The following MPP2 variants were observed in gnomAD, a reference collection of about 807,000 sequenced individuals.
MPP2 encodes MAGUK p55 subfamily member 2.
A neutral mutation model predicts 58.5 loss-of-function variants in MPP2; 42 were observed. The ratio of observed to expected loss-of-function variants is 0.72; its 90% confidence interval spans 0.56 to 0.93. The LOEUF (loss-of-function observed/expected upper bound fraction) is 0.93, where lower values mean the gene tolerates loss of function less well. Among genes scored for constraint, MPP2 ranks in the 40% least tolerant of loss-of-function variants. The probability of loss-of-function intolerance (pLI) is 0.00; values close to 1 mark genes in which losing one functional copy is unlikely to be tolerated. For synonymous variants in MPP2, 300 were observed against 307.8 expected, an observed-to-expected ratio of 0.97 and a Z score of 0.26; for missense variants, 632 against 760.4, an observed-to-expected ratio of 0.83 and a Z score of 1.99.
chr17:43,895,044 C>A (rs1044351350), intron 3 of MPP2, among the ~76,000 whole-genome samples: 2 of 152,064 alleles, frequency 1.3e-5, no homozygotes, highest in Non-Finnish European at 2.9e-5. Flanking sequence ...GCAGTGGTTA[C>A]CTGTGGGAAG....
At position 43,882,314 on chromosome 17, in the gene MPP2, G is replaced by A. The variant is rs545396178; in HGVS notation, c.651C>T (p.Pro217=). The stretch of plus-strand genomic sequence containing the variant: ...GGGGCAGATGGGGCTCCTGGTAGCT[G>A]GGCAGGATCTTGAGGATGACACTGC... ...ASGSVILKIL[P]SYQEPHLPRQ... The change falls in exon 6 of 13, where the codon CCC becomes CCT. Residue 217 remains proline (P), a synonymous_variant. Coordinates refer to ENST00000269095, the MANE Select transcript of MPP2 (RefSeq NM_005374.5). The A allele has an allele frequency of 5.6e-6, 9 of 1,612,018 alleles. No individual in the cohort carries two copies. In the African/African-American group the frequency reaches 9.3e-5, roughly 17 times the overall value.
upstream of MPP2, chr17:43,907,670 G>A: frequency 9.1e-6 from 9 of 985,678 alleles, no homozygotes; most frequent in Non-Finnish European, 1.1e-5. Context: ...CCCAGCAGCT[G>A]GTACGGGGGC....
rs900266771 is a variant in MPP2, at chr17:43,880,256, C to T, written c.1151-272G>A. ...GGGCAATGTACAGCCCAAAGCCACA[C>T]AGCAAGAGCCAAGCAGACCAGGGCA... On this transcript the variant is annotated intron_variant, in intron 10 of 12. Coordinates refer to ENST00000269095, the MANE Select transcript of MPP2 (RefSeq NM_005374.5). This position sits in a 1 kb window ranked among gnomAD's most constrained non-coding sequence, Gnocchi z 5.2. 6.6e-5 allele frequency among the ~76,000 whole-genome samples: 10 copies of T among 152,168 alleles called. No individual in the cohort carries two copies. Among genetic ancestry groups the T allele is most frequent in the Non-Finnish European group, 5.9e-5 (4 of 68,030 alleles).
rs186398011 is a variant in MPP2 at position 43,900,742 on chromosome 17, T to C, written c.32-2362A>G. On this transcript the variant is annotated intron_variant, in intron 2 of 12. Coordinates refer to ENST00000269095, the MANE Select transcript of MPP2 (RefSeq NM_005374.5). ...TAAAGCCCTGACTGGCGCTGCGCGGTGCAGAGCAGGCGGTAACCCGGGTGG... is the reference window on the plus strand; with the variant it reads ...TAAAGCCCTGACTGGCGCTGCGCGGCGCAGAGCAGGCGGTAACCCGGGTGG... 38 of 1,059,962 alleles carry C rather than the reference T, an allele frequency of 3.6e-5. 1 individual carries two copies. The Admixed American group carries it at 8.5e-4, about 24-fold the overall frequency. 65.7% of individuals were successfully genotyped at this position (1,059,962 alleles called of 1,614,324 possible). A position where few individuals can be genotyped will look rare whatever the true frequency, so the allele number is the denominator to read the frequency against.
intron 3 of MPP2, among the ~76,000 whole-genome samples, chr17:43,894,639 C>CAAAAAA (rs2047765312): frequency 9.1e-6 from 1 of 109,442 alleles, no homozygotes; most frequent in African/African-American, 3.1e-5. Context: ...AAAAAAAAAG[C>CAAAAAA]ACACATAACA....
At chr17:43,907,337 CAG>C in intron 1 of MPP2, 135 bp downstream of exon 1, 1 of 985,636 alleles carries the variant, frequency 1.0e-6, no homozygotes, top group African/African-American at 1.7e-5. Flanking sequence ...GGCGGGTGGA[CAG>C]GGAGGGAACG....
At chr17:43,909,534 A>G (rs2143828959), upstream of MPP2, 8 of 1,409,950 alleles carry the variant, frequency 5.7e-6, no homozygotes, top group Non-Finnish European at 7.4e-6. Context: ...TAATCAAGCA[A>G]TTATTACCTC....
chr17:43,906,011 G>A, intron 1 of MPP2: 1 of 822,692 alleles, frequency 1.2e-6, no homozygotes. Flanking sequence ...CGTGCCCCTG[G>A]TGCCAATCTC....
chr17:43,883,096 G>T, intron 4 of MPP2, 44 bp from the exon 5 acceptor site: 1 of 1,576,752 alleles, frequency 6.3e-7, no homozygotes, highest in Non-Finnish European at 8.6e-7. Flanking sequence ...GCAGTGTCCC[G>T]GGTCTCTTCC....
At chr17:43,888,607 G>A (rs1488649378) in intron 3 of MPP2, among the ~76,000 whole-genome samples, 2 of 152,222 alleles carry the variant, frequency 1.3e-5, no homozygotes, top group African/African-American at 2.4e-5. Context: ...CTCTGGCACA[G>A]GTGTCCTGAT....
intron 6 of MPP2, 37 bp from the exon 7 acceptor site, chr17:43,881,626 T>G (rs2047126100): frequency 6.2e-7 from 1 of 1,604,068 alleles, no homozygotes; most frequent in Non-Finnish European, 8.5e-7. Context: ...GGGGGAAGGG[T>G]CAGCAGAAGG....
chr17:43,899,728 G>A (rs370227275), intron 2 of MPP2, among the ~76,000 whole-genome samples: 44 of 152,194 alleles, frequency 2.9e-4, no homozygotes, highest in African/African-American at 8.2e-4. Flanking sequence ...CTCTCAGCCC[G>A]AAATGGGACA....
At position 43,882,312 on chromosome 17, in the gene MPP2, C is replaced by G. The variant is rs2047167226; in HGVS notation, c.653G>C (p.Ser218Thr). The G allele has an allele frequency of 6.2e-7, 1 of 1,611,806 alleles. No homozygotes were observed. The highest frequency in any genetic ancestry group is 2.2e-5 in the East Asian group (1 of 44,878). The stretch of plus-strand genomic sequence containing the variant: ...GCGGGGCAGATGGGGCTCCTGGTAG[C>G]TGGGCAGGATCTTGAGGATGACACT... ...SGSVILKILP[S>T]YQEPHLPRQV... is the part of the protein sequence containing the mutation. Residue 218 changes from serine to threonine, a missense_variant, in exon 6 of 13, where the codon AGC becomes ACC. Transcript: ENST00000269095.
Position 43,880,650 on chromosome 17 carries a change from G to C in MPP2, c.1150+41C>G, listed in dbSNP as rs766544427. 5 of 1,561,618 alleles carry C rather than the reference G, an allele frequency of 3.2e-6. No homozygotes were observed. The highest frequency in any genetic ancestry group is 2.7e-5 in the African/African-American group (2 of 73,620). On this transcript the variant is annotated intron_variant, in intron 10 of 12. Coordinates refer to ENST00000269095, the MANE Select transcript of MPP2 (RefSeq NM_005374.5). The surrounding 1 kb of genome is among the most constrained non-coding windows in gnomAD (Gnocchi z 5.2). ...CCAGCCCTGGCCCCAGGGGAGCCCT[G>C]CTCCTTGTCCCCAACTCAGCAGGGC...
In MPP2 at chr17:43,879,483, G is replaced by C. The variant is rs541306787; in HGVS notation, c.1354-80C>G. 69 of 1,571,444 alleles carry C rather than the reference G, an allele frequency of 4.4e-5. No homozygotes were observed. The African/African-American group carries it at 7.1e-4, about 16-fold the overall frequency. On this transcript the variant is annotated intron_variant, in intron 11 of 12. Transcript: ENST00000269095. This position sits in a 1 kb window ranked among gnomAD's most constrained non-coding sequence, Gnocchi z 4.1. ...CAGAGAAAGGCTGTGAGGGTAACTG[G>C]GGTTGGGGTGAGCACTTGGGAGTGG...
intron 3 of MPP2, among the ~76,000 whole-genome samples, chr17:43,885,070 C>T (rs1214298673): frequency 1.4e-5 from 2 of 147,896 alleles, no homozygotes; most frequent in Admixed American, 1.4e-4. Context: ...TGCAATGAGC[C>T]GAGATCATGC....
At chr17:43,881,192 AG>A (rs752455203) in intron 8 of MPP2, 34 bp from the exon 9 acceptor site, 3 of 1,613,624 alleles carry the variant, frequency 1.9e-6, no homozygotes, top group Non-Finnish European at 2.5e-6. Flanking sequence ...TGAGGCAGAC[AG>A]GGCCCTGTTG....
intron 3 of MPP2, among the ~76,000 whole-genome samples, chr17:43,895,120 A>ATT (rs11296630): frequency 6.9e-6 from 1 of 144,030 alleles, no homozygotes; most frequent in African/African-American, 2.7e-5. Flanking sequence ...TTATTTATTT[A>ATT]TTTTTTTTTT....
chr17:43,885,209 TA>T (rs1382518079), intron 3 of MPP2, among the ~76,000 whole-genome samples: 1 of 151,954 alleles, frequency 6.6e-6, no homozygotes, highest in African/African-American at 2.4e-5. Flanking sequence ...ATGATATCAC[TA>T]TGAATTTTTT....
Sources: allele counts gnomAD v4.1 joint callset (sites outside exome capture counted in the v4.1 genomes callset), GRCh38; gene constraint gnomAD v4.1.1; non-coding constraint Gnocchi (gnomAD v3.1); transcripts MANE v1.5; gene names NCBI Gene and HGNC (gene_info 2026-07-23, HGNC 2026-07-21).